Variants in CTNNBIP1 observed in about 807,000 individuals in gnomAD.
CTNNBIP1 encodes catenin beta interacting protein 1.
Under a neutral mutation model 11.8 loss-of-function variants are expected in CTNNBIP1, and 7 were observed. The ratio of observed to expected loss-of-function variants is 0.60; its 90% CI spans 0.34 to 1.12. The LOEUF (loss-of-function observed/expected upper bound fraction) is 1.12, where lower values mean the gene tolerates loss of function less well. Among genes scored for constraint, CTNNBIP1 ranks in the 50% most tolerant of loss-of-function variants. CTNNBIP1 has a pLI of 0.03. For synonymous variants in CTNNBIP1, 58 were observed against 43.9 expected (o/e 1.32, Z -1.26); for missense variants, 101 against 113.4 (o/e 0.89, Z 0.50).
chr1:9,887,481 T>C (rs1639210201), intron 1 of CTNNBIP1, among the ~76,000 whole-genome samples: 1 of 152,044 alleles, frequency 6.6e-6, no homozygotes, highest in Non-Finnish European at 1.5e-5. Context: ...CTTTGGAAGG[T>C]GGAGGCGGGC....
At chr1:9,873,975 G>C (rs1638915441) in intron 3 of CTNNBIP1, among the ~76,000 whole-genome samples, 1 of 152,128 alleles carries the variant, frequency 6.6e-6, no homozygotes, top group South Asian at 2.1e-4. Context: ...CTGGGCTCAA[G>C]TGATCCTCCC....
At chr1:9,898,539 A>G (rs1639456404) in intron 1 of CTNNBIP1, among the ~76,000 whole-genome samples, 1 of 152,228 alleles carries the variant, frequency 6.6e-6, no homozygotes, top group South Asian at 2.1e-4. Context: ...GAAAAAAAAA[A>G]TAAAAAGAAC....
chr1:9,899,562 T>C lies in CTNNBIP1; in HGVS notation c.-144+10533A>G, dbSNP rs538382841. On this transcript the variant is annotated intron_variant, in intron 1 of 5. Coordinates refer to ENST00000377263, the MANE Select transcript of CTNNBIP1 (RefSeq NM_020248.3). ...GGTCACAAGGTCAGGAGATCAAGGC[T>C]ATCTTGGCCAACATGGTGAAACCCC... Among the ~76,000 whole-genome samples the C allele has an allele frequency of 3.4e-4, 46 of 135,796 alleles. No homozygotes were observed. In the East Asian group the frequency reaches 9.2e-3, roughly 27 times the overall value. 89.1% of individuals were successfully genotyped at this position (135,796 alleles called of 152,430 possible).
chr1:9,885,855 C>A (rs1331734632), intron 1 of CTNNBIP1, among the ~76,000 whole-genome samples: 6 of 151,058 alleles, frequency 4.0e-5, no homozygotes, highest in African/African-American at 1.2e-4. Context: ...TCGCTTGAAT[C>A]TGGGAGGCAG....
intron 5 of CTNNBIP1, among the ~76,000 whole-genome samples, chr1:9,861,706 A>C (rs541314465): frequency 8.5e-4 from 130 of 152,312 alleles, no homozygotes; most frequent in Middle Eastern, 3.4e-3. Context: ...GGCCTCCTGG[A>C]ACAGCCAAAA....
At chr1:9,884,627 T>A (rs993269236) in intron 1 of CTNNBIP1, among the ~76,000 whole-genome samples, 3 of 151,982 alleles carry the variant, frequency 2.0e-5, no homozygotes, top group Non-Finnish European at 2.9e-5. Flanking sequence ...ATGAGAAGCA[T>A]TTGCTATGAA....
At chr1:9,878,923 C>T (rs985555901) in intron 2 of CTNNBIP1, among the ~76,000 whole-genome samples, 2 of 152,276 alleles carry the variant, frequency 1.3e-5, no homozygotes, top group African/African-American at 2.4e-5. Flanking sequence ...TTTTGCCAGG[C>T]GCGGTGGCTC....
At chr1:9,855,407 C>T (rs772084464) in intron 5 of CTNNBIP1, among the ~76,000 whole-genome samples, 2 of 152,088 alleles carry the variant, frequency 1.3e-5, no homozygotes, top group South Asian at 2.1e-4. Context: ...GCAAGGTCAA[C>T]GAGACTGGGT....
At chr1:9,893,193 G>A (rs1358441797) in intron 1 of CTNNBIP1, 1 of 152,154 alleles carries the variant, frequency 6.6e-6, no homozygotes, top group Non-Finnish European at 1.5e-5. Flanking sequence ...TGGAGGGTTT[G>A]TTCAAGGTTA....
rs141025015 is a variant in CTNNBIP1 at position 9,879,480 on chromosome 1, TCTGA to T, written c.-109-1495_-109-1492del. Among the ~76,000 whole-genome samples, 1,157 of 152,316 alleles carry T rather than the reference TCTGA, an allele frequency of 7.6e-3. 11 individuals are homozygous for T. Among genetic ancestry groups the T allele is most frequent in the African/African-American group, 0.026 (1,074 of 41,572 alleles). On this transcript the variant is annotated intron_variant, in intron 2 of 5. Transcript: ENST00000377263. ...CTAAAGTCAGACATCGCTGTAAACCTCTGACTCTCTGTTCTGTGTGTCCCTTTAA... is the reference window on the plus strand; with the variant it reads ...CTAAAGTCAGACATCGCTGTAAACCTCTCTCTGTTCTGTGTGTCCCTTTAA...
In CTNNBIP1 at chr1:9,872,139, C is replaced by A; in HGVS notation, c.-24-51G>T. On this transcript the variant is annotated intron_variant, in intron 3 of 5. Coordinates refer to ENST00000377263, the MANE Select transcript of CTNNBIP1 (RefSeq NM_020248.3). The surrounding 1 kb of genome is among the most constrained non-coding windows in gnomAD (Gnocchi z 4.0). ...AGGGAAGAGATCAGGATGTGACATA[C>A]TGGGACAATGACACCTGCTAGTGAC... is the stretch of plus-strand genomic sequence containing the variant. 8.8e-7 allele frequency: 1 copy of A among 1,138,972 alleles called. No individual in the cohort carries two copies. Among genetic ancestry groups the A allele is most frequent in the Non-Finnish European group, 1.3e-6 (1 of 755,136 alleles). The allele number at this position is 1,138,972 out of a possible 1,614,324, so 70.6% of individuals were successfully genotyped here.
At chr1:9,899,760 A>C (rs1639484806) in intron 1 of CTNNBIP1, among the ~76,000 whole-genome samples, 1 of 150,434 alleles carries the variant, frequency 6.6e-6, no homozygotes, top group African/African-American at 2.5e-5. Flanking sequence ...TCCGTCTCAA[A>C]AAAAAAGAAA....
intron 1 of CTNNBIP1, among the ~76,000 whole-genome samples, chr1:9,893,552 A>G (rs1053187104): frequency 6.6e-6 from 1 of 152,180 alleles, no homozygotes; most frequent in African/African-American, 2.4e-5. Context: ...ACAAGCCCAT[A>G]TCCAAAGAAT....
chr1:9,850,004 A>G lies in CTNNBIP1; in HGVS notation c.*714T>C, dbSNP rs963257677. On this transcript the variant is annotated 3_prime_UTR_variant, in exon 6 of 6. Coordinates refer to ENST00000377263, the MANE Select transcript of CTNNBIP1 (RefSeq NM_020248.3). ...TCTCCAGGTGGACCCTCAGGCCCAGAGCCGGCAGCAGAGGGGGGTGAATCC... is the reference window on the plus strand; with the variant it reads ...TCTCCAGGTGGACCCTCAGGCCCAGGGCCGGCAGCAGAGGGGGGTGAATCC... The G allele has an allele frequency of 6.6e-6, 1 of 152,602 alleles. No individual in the cohort carries two copies. The highest frequency in any genetic ancestry group is 1.5e-5 in the Non-Finnish European group (1 of 68,086). The allele number at this position is 152,602 out of a possible 1,614,324, so 9.5% of individuals were successfully genotyped here.
At chr1:9,878,803 G>A (rs1022786176) in intron 2 of CTNNBIP1, among the ~76,000 whole-genome samples, 1 of 152,228 alleles carries the variant, frequency 6.6e-6, no homozygotes, top group African/African-American at 2.4e-5. Flanking sequence ...GCAAGACCCA[G>A]TACCTCACAT....
At chr1:9,861,503 C>T (rs1267912282) in intron 5 of CTNNBIP1, among the ~76,000 whole-genome samples, 1 of 152,204 alleles carries the variant, frequency 6.6e-6, no homozygotes, top group Non-Finnish European at 1.5e-5. Context: ...ATGGGGATGG[C>T]GGCCGGCGAC....
intron 5 of CTNNBIP1, among the ~76,000 whole-genome samples, chr1:9,868,773 C>A (rs929679769): frequency 1.3e-5 from 2 of 152,006 alleles, no homozygotes; most frequent in Non-Finnish European, 2.9e-5. Context: ...GTAGCTGGGA[C>A]TACTGGCACC....
chr1:9,858,898 A>G (rs1638565212), intron 5 of CTNNBIP1, among the ~76,000 whole-genome samples: 1 of 152,168 alleles, frequency 6.6e-6, no homozygotes, highest in Non-Finnish European at 1.5e-5. Flanking sequence ...CCTTCACCCT[A>G]GAAGGAGAAA....
intron 5 of CTNNBIP1, among the ~76,000 whole-genome samples, chr1:9,869,364 G>C (rs1638811245): frequency 6.6e-6 from 1 of 150,816 alleles, no homozygotes; most frequent in African/African-American, 2.4e-5. Context: ...TGTTGCTGGG[G>C]TTTTGTTTTG....
Sources: allele counts gnomAD v4.1 joint callset (sites outside exome capture counted in the v4.1 genomes callset), GRCh38; gene constraint gnomAD v4.1.1; non-coding constraint Gnocchi (gnomAD v3.1); transcripts MANE v1.5; gene names NCBI Gene and HGNC (gene_info 2026-07-23, HGNC 2026-07-21).